MAST4: variants seen among roughly 807,000 people sequenced by gnomAD.
The protein encoded by MAST4 is microtubule associated serine/threonine kinase family member 4, also known as microtubule-associated serine/threonine-protein kinase 4.
In MAST4, 89 loss-of-function variants were observed where a neutral mutation model predicts 162.7. The ratio of observed to expected loss-of-function variants is 0.55; its 90% CI spans 0.46 to 0.65. MAST4 has a LOEUF of 0.65. Ranked by LOEUF, MAST4 falls within the 30% of genes least tolerant of loss-of-function variation. The pLI is 0.00. For missense variants in MAST4, 3,153 were observed against 3,374.0 expected (o/e 0.93, Z 1.62); for synonymous variants, 1,479 against 1,361.1 (o/e 1.09, Z -1.91).
intron 4 of MAST4, among the ~76,000 whole-genome samples, chr5:66,978,211 C>G (rs892996219): frequency 1.3e-5 from 2 of 152,150 alleles, no homozygotes; most frequent in Non-Finnish European, 2.9e-5. Context: ...AAAATGCACT[C>G]CTCTATTCTC....
intron 1 of MAST4, among the ~76,000 whole-genome samples, chr5:66,600,392 C>T (rs149250698): frequency 2.0e-5 from 3 of 152,316 alleles, no homozygotes; most frequent in Non-Finnish European, 4.4e-5. Flanking sequence ...CTGAGATTTG[C>T]CTTTAGGCAT....
chr5:67,090,280 C>A, intron 6 of MAST4, 49 bp downstream of exon 6: 1 of 1,422,294 alleles, frequency 7.0e-7, no homozygotes, highest in Admixed American at 1.8e-5. Flanking sequence ...GAGAGAATCC[C>A]ATTTTCCTCT....
intron 4 of MAST4, among the ~76,000 whole-genome samples, chr5:67,036,330 G>T (rs2150461760): frequency 6.6e-6 from 1 of 151,980 alleles, no homozygotes; most frequent in African/African-American, 2.4e-5. Context: ...CAGGTTAAGA[G>T]GTTAAAATAT....
At position 66,868,185 on chromosome 5, in the gene MAST4, G is replaced by A. The variant is rs116227195; in HGVS notation, c.643-31766G>A. Among the ~76,000 whole-genome samples, 997 of 152,212 alleles carry A rather than the reference G, an allele frequency of 6.6e-3. 10 individuals carry two copies. Among genetic ancestry groups the A allele is most frequent in the African/African-American group, 0.023 (947 of 41,520 alleles). Reference sequence around the variant, plus strand: ...TGTACTTAAGTGACTAAGCTCAAAGGTTTAGAGTTTGTACCTTTCTTGGAT... The same window carrying A: ...TGTACTTAAGTGACTAAGCTCAAAGATTTAGAGTTTGTACCTTTCTTGGAT... On this transcript the variant is annotated intron_variant, in intron 3 of 28. Transcript: ENST00000403625.
At chr5:67,035,034 T>C (rs1162704364) in intron 4 of MAST4, among the ~76,000 whole-genome samples, 1 of 152,206 alleles carries the variant, frequency 6.6e-6, no homozygotes, top group African/African-American at 2.4e-5. Flanking sequence ...AAGTTGTGTT[T>C]TTTTTCAAAC....
chr5:66,973,893 A>G (rs1747782624), intron 4 of MAST4, among the ~76,000 whole-genome samples: 2 of 152,274 alleles, frequency 1.3e-5, no homozygotes, highest in Admixed American at 6.5e-5. Context: ...TTGTTGGTCA[A>G]GTTGTCCTAA....
chr5:66,881,420 G>A (rs1761686225), intron 3 of MAST4, among the ~76,000 whole-genome samples: 1 of 152,164 alleles, frequency 6.6e-6, no homozygotes, highest in Admixed American at 6.5e-5. Context: ...CATCTGAGAG[G>A]AAAATTATAT....
chr5:67,116,124 G>A (rs538976936), intron 12 of MAST4, among the ~76,000 whole-genome samples: 1 of 152,250 alleles, frequency 6.6e-6, no homozygotes, highest in South Asian at 2.1e-4. Flanking sequence ...CAAGTTTGGA[G>A]TTTAATCACT....
At chr5:66,774,210 AT>A (rs1754480759) in intron 2 of MAST4, among the ~76,000 whole-genome samples, 2 of 152,268 alleles carry the variant, frequency 1.3e-5, no homozygotes, top group Non-Finnish European at 2.9e-5. Flanking sequence ...GATTGGTCTG[AT>A]AAATTTGAAT....
intron 26 of MAST4, among the ~76,000 whole-genome samples, chr5:67,159,206 A>G (rs1772907697): frequency 6.6e-6 from 1 of 152,270 alleles, no homozygotes; most frequent in Non-Finnish European, 1.5e-5. Flanking sequence ...AAAGCAACAT[A>G]AAGCTGTAAA....
chr5:67,080,896 A>G (rs1762512727), intron 5 of MAST4, among the ~76,000 whole-genome samples: 1 of 146,860 alleles, frequency 6.8e-6, no homozygotes, highest in Non-Finnish European at 1.5e-5. Context: ...TTGATAGTGA[A>G]AATGTAAACA....
At chr5:66,945,124 A>G (rs1280312514) in intron 4 of MAST4, among the ~76,000 whole-genome samples, 2 of 152,136 alleles carry the variant, frequency 1.3e-5, no homozygotes, top group Non-Finnish European at 2.9e-5. Context: ...AAAGTAAATG[A>G]ACATCTGTTG....
intron 19 of MAST4, among the ~76,000 whole-genome samples, chr5:67,138,263 A>C (rs1204156905): frequency 6.6e-6 from 1 of 152,170 alleles, no homozygotes; most frequent in Admixed American, 6.5e-5. Context: ...TTTTTAAAAC[A>C]TTTCCTCCAG....
chr5:66,759,852 A>G lies in MAST4; in HGVS notation c.507A>G (p.Gly169=). Residue 169 remains glycine (G), a synonymous_variant, in exon 2 of 29, where the codon GGA becomes GGG. Coordinates refer to ENST00000403625, the MANE Select transcript of MAST4 (RefSeq NM_001164664.2). ...GRQLRRGSLG[G]ALTGRYLLPN... ...AGCTAAGGCGAGGGAGCCTGGGAGG[A>G]GCCCTGACTGGTGAGTCGCAGCGGC... The G allele has an allele frequency of 6.2e-7, 1 of 1,613,814 alleles. No homozygotes were observed. Among genetic ancestry groups the G allele is most frequent in the South Asian group, 1.1e-5 (1 of 91,060 alleles).
chr5:66,604,703 C>A (rs1742767146), intron 1 of MAST4, among the ~76,000 whole-genome samples: 1 of 152,166 alleles, frequency 6.6e-6, no homozygotes, highest in Non-Finnish European at 1.5e-5. Context: ...GTGTTCCTTT[C>A]TGGCTGGTGA....
At position 66,635,972 on chromosome 5, in the gene MAST4, T is replaced by C. The variant is rs981547230; in HGVS notation, c.363+38954T>C. Among the ~76,000 whole-genome samples the C allele has an allele frequency of 5.4e-5, 7 of 128,652 alleles. No homozygotes were observed. In the South Asian group the frequency reaches 1.6e-3, roughly 29 times the overall value. 84.4% of individuals were successfully genotyped at this position (128,652 alleles called of 152,430 possible). ...TTTTTTTTTTTTTTTTTTTTTTTTT[T>C]TTTCGAGACAGAGTCTTGCTCTGTC... On this transcript the variant is annotated intron_variant, in intron 1 of 28. Transcript: ENST00000403625.
rs775140633 is a variant in MAST4, at chr5:66,788,813, C to T, written c.642+19C>T. Reference sequence around the variant, plus strand: ...CAGCCTGGTGAGTGTCCGCGGGCGCCGGTGGAGGCTGCTCCAGCTCACCAC... The same window carrying T: ...CAGCCTGGTGAGTGTCCGCGGGCGCTGGTGGAGGCTGCTCCAGCTCACCAC... On this transcript the variant is annotated intron_variant, in intron 3 of 28. Coordinates refer to ENST00000403625, the MANE Select transcript of MAST4 (RefSeq NM_001164664.2). 1.3e-6 allele frequency: 2 copies of T among 1,533,308 alleles called. No homozygotes were observed. The highest frequency in any genetic ancestry group is 2.5e-5 in the South Asian group (2 of 78,904). 95.0% of individuals were successfully genotyped at this position (1,533,308 alleles called of 1,614,324 possible).
At chr5:66,932,155 G>C (rs1742258275) in intron 4 of MAST4, among the ~76,000 whole-genome samples, 1 of 152,182 alleles carries the variant, frequency 6.6e-6, no homozygotes, top group South Asian at 2.1e-4. Flanking sequence ...CTGAGGATGA[G>C]TAGGTAAAAA....
intron 3 of MAST4, among the ~76,000 whole-genome samples, chr5:66,813,509 T>C (rs748789877): frequency 6.6e-6 from 1 of 152,310 alleles, no homozygotes; most frequent in Non-Finnish European, 1.5e-5. Flanking sequence ...TTGCCTTTCT[T>C]GTACTTTTCG....
Sources: allele counts gnomAD v4.1 joint callset (sites outside exome capture counted in the v4.1 genomes callset), GRCh38; gene constraint gnomAD v4.1.1; transcripts MANE v1.5; gene names NCBI Gene and HGNC (gene_info 2026-07-23, HGNC 2026-07-21).